Variants in LRRC27 observed in about 807,000 individuals in gnomAD.
The protein encoded by LRRC27 is leucine rich repeat containing 27.
A neutral mutation model predicts 55.0 loss-of-function variants in LRRC27; 57 were observed. That is an observed-to-expected ratio of 1.04 (90% CI 0.84 to 1.29). LRRC27 has a LOEUF of 1.29. Ranked by LOEUF, LRRC27 falls within the 50% of genes most tolerant of loss-of-function variation. LRRC27 has a pLI of 0.00. For missense variants in LRRC27, 721 were observed against 651.5 expected (o/e 1.11, Z -1.16); for synonymous variants, 278 against 251.9 (o/e 1.10, Z -0.98).
chr10:132,331,072 G>A (rs1277329872), upstream of LRRC27, among the ~76,000 whole-genome samples: 2 of 150,982 alleles, frequency 1.3e-5, no homozygotes, highest in African/African-American at 2.4e-5. Flanking sequence ...GTGGTGGCGC[G>A]CGCCTGTAGT....
upstream of LRRC27, chr10:132,330,186 G>T: frequency 2.1e-6 from 1 of 472,886 alleles, no homozygotes; most frequent in Non-Finnish European, 3.9e-6. Flanking sequence ...GGCAAAACAT[G>T]CTCGTACATA....
intron 6 of LRRC27, among the ~76,000 whole-genome samples, chr10:132,349,383 A>G (rs1564836541): frequency 6.6e-6 from 1 of 152,186 alleles, no homozygotes; most frequent in African/African-American, 2.4e-5. Context: ...TGAACATTCA[A>G]AACAGAACAA....
chr10:132,333,614 C>T lies in LRRC27; in HGVS notation c.90C>T (p.Thr30=), dbSNP rs538170667. The T allele has an allele frequency of 2.5e-6, 4 of 1,612,916 alleles. No homozygotes were observed. The highest frequency in any genetic ancestry group is 2.2e-5 in the South Asian group (2 of 91,008). Residue 30 remains threonine, a synonymous_variant, in exon 2 of 11, where the codon ACC becomes ACT. Coordinates refer to ENST00000368614, the MANE Select transcript of LRRC27 (RefSeq NM_030626.3). Reference sequence around the variant, plus strand: ...GTCAGACTAGGAGCTTGCCTGCCACCCCCTCCAAAGATGTTCACAAGGGTG... The same window carrying T: ...GTCAGACTAGGAGCTTGCCTGCCACTCCCTCCAAAGATGTTCACAAGGGTG... The part of the protein sequence containing the change: ...GAGQTRSLPA[T]PSKDVHKGVG...
At chr10:132,343,468 A>C (rs928070964) in intron 4 of LRRC27, among the ~76,000 whole-genome samples, 2 of 152,218 alleles carry the variant, frequency 1.3e-5, no homozygotes, top group African/African-American at 4.8e-5. Flanking sequence ...ACAGAGAGAG[A>C]ATTTAAGCTT....
At chr10:132,373,400 C>T (rs893809604) in intron 10 of LRRC27, among the ~76,000 whole-genome samples, 4 of 152,130 alleles carry the variant, frequency 2.6e-5, no homozygotes, top group African/African-American at 9.7e-5. Context: ...CCCACACATG[C>T]CGGCACCATG....
At chr10:132,344,472 G>T in intron 4 of LRRC27, 26 bp from the exon 5 acceptor site, 2 of 1,593,860 alleles carry the variant, frequency 1.3e-6, no homozygotes, top group South Asian at 1.1e-5. Flanking sequence ...ATAGAATGCT[G>T]ACAGTTTTTT....
Position 132,353,156 on chromosome 10 carries a change from C to T in LRRC27, c.1073+1403C>T, listed in dbSNP as rs998602332. On this transcript the variant is annotated intron_variant, in intron 7 of 10. Coordinates refer to ENST00000368614, the MANE Select transcript of LRRC27 (RefSeq NM_030626.3). The stretch of plus-strand genomic sequence containing the variant: ...GGTTGGCTTTGGCCAGCGGGGGCCC[C>T]CAGCAGGAGGTCGAGGAGGAAGGGA... 2.8e-6 allele frequency: 4 copies of T among 1,435,876 alleles called. No individual in the cohort carries two copies. The African/African-American group carries it at 5.7e-5, about 21-fold the overall frequency. The allele number at this position is 1,435,876 out of a possible 1,614,324, so 88.9% of individuals were successfully genotyped here.
At chr10:132,359,630 G>A (rs898524689) in intron 8 of LRRC27, among the ~76,000 whole-genome samples, 3 of 152,268 alleles carry the variant, frequency 2.0e-5, no homozygotes, top group East Asian at 1.9e-4. Context: ...CTGCTGATCC[G>A]TCACTGTGTG....
chr10:132,353,660 G>C (rs1382982035), intron 7 of LRRC27, among the ~76,000 whole-genome samples: 1 of 152,222 alleles, frequency 6.6e-6, no homozygotes, highest in East Asian at 1.9e-4. Context: ...GGCTGCACCA[G>C]AAAGCCCATC....
chr10:132,336,792 A>G, intron 2 of LRRC27: 2 of 772,810 alleles, frequency 2.6e-6, no homozygotes, highest in Non-Finnish European at 4.8e-6. Context: ...CTACTCCCTC[A>G]GGAAATACAG....
chr10:132,351,118 C>T (rs7090409), intron 6 of LRRC27: 20,249 of 162,592 alleles, frequency 0.12, 1,455 homozygotes, highest in East Asian at 0.35. Context: ...TTGCCTGCCC[C>T]GCCCCCTGCT....
At chr10:132,355,520 G>A (rs984609944) in intron 7 of LRRC27, among the ~76,000 whole-genome samples, 5 of 152,194 alleles carry the variant, frequency 3.3e-5, no homozygotes, top group African/African-American at 7.2e-5. Context: ...CCTTTTCCTC[G>A]GTCACTGGGT....
intron 8 of LRRC27, among the ~76,000 whole-genome samples, chr10:132,360,751 C>A (rs1001424101): frequency 6.6e-6 from 1 of 152,184 alleles, no homozygotes; most frequent in Non-Finnish European, 1.5e-5. Flanking sequence ...ATGGACCCTA[C>A]GAGTCTCCAC....
Position 132,351,728 on chromosome 10 carries a change from C to T in LRRC27, c.1048C>T (p.Gln350Ter), listed in dbSNP as rs2068021992. ...AAALRELQEK[Q>*]ALMEQQRREK... ...GGCGCTCCGAGAGCTCCAGGAGAAG[C>T]AGGCTCTGATGGAGCAGCAGAGACG... The change falls in exon 7 of 11, where the codon CAG becomes TAG. Residue 350 changes from glutamine to a stop codon, truncating the protein, a stop_gained. Coordinates refer to ENST00000368614, the MANE Select transcript of LRRC27 (RefSeq NM_030626.3). LOFTEE classifies it high-confidence loss of function. 1 of 1,613,304 alleles carries T rather than the reference C, an allele frequency of 6.2e-7. No homozygotes were observed. Among genetic ancestry groups the T allele is most frequent in the Non-Finnish European group, 8.5e-7 (1 of 1,179,838 alleles).
At chr10:132,331,844 A>T, upstream of LRRC27, 1 of 1,479,406 alleles carries the variant, frequency 6.8e-7, no homozygotes, top group Non-Finnish European at 9.1e-7. Context: ...GCGCGGAAAA[A>T]CGGATGCTAC....
chr10:132,364,752 A>G (rs1210631691), intron 9 of LRRC27, among the ~76,000 whole-genome samples: 5 of 93,850 alleles, frequency 5.3e-5, no homozygotes, highest in Non-Finnish European at 8.4e-5. Flanking sequence ...CTCCACGCCC[A>G]CACTTACACT....
At chr10:132,351,913 T>G (rs921160028) in intron 7 of LRRC27, among the ~76,000 whole-genome samples, 160 bp downstream of exon 7, 2 of 152,272 alleles carry the variant, frequency 1.3e-5, no homozygotes, top group Non-Finnish European at 2.9e-5. Context: ...GAAGCCGAGC[T>G]GCACGTGCCC....
chr10:132,341,010 T>C (rs2067387652), intron 3 of LRRC27, among the ~76,000 whole-genome samples: 1 of 152,186 alleles, frequency 6.6e-6, no homozygotes, highest in African/African-American at 2.4e-5. Context: ...GTAATTTAAA[T>C]GAGGGCTGGG....
chr10:132,339,232 A>G (rs1180332826), intron 3 of LRRC27, among the ~76,000 whole-genome samples: 3 of 152,208 alleles, frequency 2.0e-5, no homozygotes, highest in Non-Finnish European at 2.9e-5. Flanking sequence ...CCCAAGAGCC[A>G]TGGTGGCCTC....
Sources: gnomAD v4.1 joint callset for allele counts (sites outside exome capture counted in the v4.1 genomes callset) on GRCh38, gnomAD v4.1.1 for gene constraint, MANE v1.5 for transcripts, NCBI Gene and HGNC (gene_info 2026-07-23, HGNC 2026-07-21) for gene names.